NDUFS6: variants seen among roughly 807,000 people sequenced by gnomAD.
The protein encoded by NDUFS6 is NADH:ubiquinone oxidoreductase subunit S6, also known as NADH dehydrogenase [ubiquinone] iron-sulfur protein 6, mitochondrial.
Under a neutral mutation model 13.2 loss-of-function variants are expected in NDUFS6, and 14 were observed. The observed-to-expected ratio is 1.06, with a 90% CI of 0.70 to 1.66. The LOEUF (loss-of-function observed/expected upper bound fraction) is 1.66, where lower values mean the gene tolerates loss of function less well. NDUFS6 is among the 40% of genes most tolerant of loss of function. NDUFS6 has a pLI of 0.00. For synonymous variants in NDUFS6, 95 were observed against 72.3 expected (o/e 1.31, Z -1.60); for missense variants, 206 against 170.8 (o/e 1.21, Z -1.15).
chr5:1,802,056 G>GGTCAGGATTTGTCTCTCCTCC, intron 1 of NDUFS6: 1 of 488,404 alleles, frequency 2.0e-6, no homozygotes, highest in Non-Finnish European at 3.6e-6. Context: ...GGTTCTCCTC[G>GGTCAGGATTTGTCTCTCCTCC]GTCAGGATTT....
chr5:1,804,539 G>A (rs1734095751), intron 2 of NDUFS6, among the ~76,000 whole-genome samples: 1 of 152,236 alleles, frequency 6.6e-6, no homozygotes, highest in Non-Finnish European at 1.5e-5. Context: ...AGTGTCCAGG[G>A]CACGTCTTGG....
chr5:1,801,524 G>C lies in NDUFS6; in HGVS notation c.107G>C (p.Gly36Ala). ...RCFGVRVSPT[G>A]EKVTHTGQVY... ...TTCGGGGTGCGGGTCTCGCCGACCG[G>C]GGAGAAGGTCACGCACACTGGCCAG... The change falls in exon 1 of 4, where the codon GGG becomes GCG. Residue 36 changes from glycine (G) to alanine (A), a missense_variant. By Grantham distance (60) the Gly-to-Ala change is moderately conservative. Coordinates refer to ENST00000274137, the MANE Select transcript of NDUFS6 (RefSeq NM_004553.6). The C allele has an allele frequency of 6.3e-7, 1 of 1,595,172 alleles. No homozygotes were observed. The highest frequency in any genetic ancestry group is 8.5e-7 in the Non-Finnish European group (1 of 1,177,064).
chr5:1,812,176 G>A (rs1734227580), intron 2 of NDUFS6, among the ~76,000 whole-genome samples: 1 of 152,088 alleles, frequency 6.6e-6, no homozygotes, highest in Admixed American at 6.5e-5. Context: ...TGGAAGGACT[G>A]GAGAGTGTGC....
intron 2 of NDUFS6, among the ~76,000 whole-genome samples, chr5:1,806,020 T>A (rs1734116861): frequency 6.6e-6 from 1 of 152,192 alleles, no homozygotes; most frequent in South Asian, 2.1e-4. Flanking sequence ...CTAGTGTGTG[T>A]TCGCCTTACT....
At chr5:1,801,616 C>A in intron 1 of NDUFS6, 67 bp downstream of exon 1, 1 of 1,516,870 alleles carries the variant, frequency 6.6e-7, no homozygotes, top group Non-Finnish European at 8.8e-7. Flanking sequence ...TGGCAGTGGG[C>A]TCGCCGGGCA....
At chr5:1,811,732 CAA>C in intron 2 of NDUFS6, among the ~76,000 whole-genome samples, 1 of 152,312 alleles carries the variant, frequency 6.6e-6, no homozygotes, top group African/African-American at 2.4e-5. Context: ...AGTTGGATCT[CAA>C]GACTTGATCA....
At position 1,814,949 on chromosome 5, in the gene NDUFS6, C is replaced by G. The variant is rs530641191; in HGVS notation, c.309+488C>G. Among the ~76,000 whole-genome samples, 1 of 152,168 alleles carries G rather than the reference C, an allele frequency of 6.6e-6. No individual in the cohort carries two copies. Among genetic ancestry groups the G allele is most frequent in the Non-Finnish European group, 1.5e-5 (1 of 68,044 alleles). ...CCCTCTGTGGGAGACTCCTCATCCC[C>G]TCTTCTTATAAGGGCACCAGGCAGA... On this transcript the variant is annotated intron_variant, in intron 3 of 3. Coordinates refer to ENST00000274137, the MANE Select transcript of NDUFS6 (RefSeq NM_004553.6). The surrounding 1 kb of genome is among the most constrained non-coding windows in gnomAD (Gnocchi z 4.9).
chr5:1,808,942 T>C (rs1734169164), intron 2 of NDUFS6, among the ~76,000 whole-genome samples: 1 of 152,248 alleles, frequency 6.6e-6, no homozygotes, highest in Non-Finnish European at 1.5e-5. Context: ...TAAATGTCCA[T>C]GAATGGGGTC....
Position 1,806,111 on chromosome 5 carries a change from C to T in NDUFS6, c.186+3737C>T, listed in dbSNP as rs537447636. Among the ~76,000 whole-genome samples the T allele has an allele frequency of 7.2e-4, 110 of 152,362 alleles. 1 individual carries two copies. In the South Asian group the frequency reaches 0.022, roughly 31 times the overall value. On this transcript the variant is annotated intron_variant, in intron 2 of 3. Transcript: ENST00000274137. ...AAATACTGAAGTTAAACGTTAGTGT[C>T]TATACACAAGGTCTTTACTTTTAGT...
At chr5:1,804,049 C>T (rs923682222) in intron 2 of NDUFS6, among the ~76,000 whole-genome samples, 14 of 152,110 alleles carry the variant, frequency 9.2e-5, no homozygotes, top group Admixed American at 2.0e-4. Context: ...TGGCAGTGAC[C>T]GTGGTGACGG....
intron 2 of NDUFS6, among the ~76,000 whole-genome samples, chr5:1,812,997 A>G (rs532732733): frequency 6.6e-6 from 1 of 152,268 alleles, no homozygotes; most frequent in African/African-American, 2.4e-5. Context: ...GGTGGCAGTG[A>G]GCCAAAATCG....
intron 2 of NDUFS6, among the ~76,000 whole-genome samples, chr5:1,802,949 C>G (rs1579937972): frequency 6.6e-6 from 1 of 151,876 alleles, no homozygotes; most frequent in East Asian, 1.9e-4. Context: ...TTCTCTATCA[C>G]TCATGTCAAT....
chr5:1,801,471 G>T lies in NDUFS6; in HGVS notation c.54G>T (p.Ala18=). Reference sequence around the variant, plus strand: ...TGCTGAACCGGTGTGGCGAGGCGGCGCGGAGCCTGCCCCTGGGCGCCAGGT... The same window carrying T: ...TGCTGAACCGGTGTGGCGAGGCGGCTCGGAGCCTGCCCCTGGGCGCCAGGT... The part of the protein sequence containing the change: ...CRLLNRCGEA[A]RSLPLGARCF... The change falls in exon 1 of 4, where the codon GCG becomes GCT. Residue 18 remains alanine, a synonymous_variant. Transcript: ENST00000274137. The T allele has an allele frequency of 1.2e-6, 2 of 1,603,538 alleles. No individual in the cohort carries two copies. The highest frequency in any genetic ancestry group is 1.7e-6 in the Non-Finnish European group (2 of 1,178,588).
chr5:1,812,914 G>T (rs555527980), intron 2 of NDUFS6, among the ~76,000 whole-genome samples: 1 of 152,128 alleles, frequency 6.6e-6, no homozygotes, highest in Non-Finnish European at 1.5e-5. Context: ...TTAGTCGGAC[G>T]TGGTGGCGGG....
rs376509886 is a variant in NDUFS6 at position 1,801,442 on chromosome 5, C to G, written c.25C>G (p.Arg9Gly). The change falls in exon 1 of 4, where the codon CGG becomes GGG. Residue 9 changes from arginine to glycine, a missense_variant. By Grantham distance (125) the Arg-to-Gly change is moderately radical. Transcript: ENST00000274137. MAAAMTFC[R>G]LLNRCGEAAR... Reference sequence around the variant, plus strand: ...AATGGCGGCGGCGATGACCTTCTGCCGGCTGCTGAACCGGTGTGGCGAGGC... The same window carrying G: ...AATGGCGGCGGCGATGACCTTCTGCGGGCTGCTGAACCGGTGTGGCGAGGC... The G allele has an allele frequency of 3.1e-6, 5 of 1,605,048 alleles. No homozygotes were observed. The highest frequency in any genetic ancestry group is 1.3e-5 in the African/African-American group (1 of 74,850).
In NDUFS6 at chr5:1,812,567, C is replaced by A. The variant is rs972234866; in HGVS notation, c.187-1772C>A. On this transcript the variant is annotated intron_variant, in intron 2 of 3. Coordinates refer to ENST00000274137, the MANE Select transcript of NDUFS6 (RefSeq NM_004553.6). ...ACAACCTTAGTTGCCTTAAAAACTT[C>A]CCTGACTTGTGCCACAGTAGAGTGT... Among the ~76,000 whole-genome samples, 2 of 117,222 alleles carry A rather than the reference C, an allele frequency of 1.7e-5. 1 individual carries two copies. The highest frequency in any genetic ancestry group is 5.6e-5 in the African/African-American group (2 of 35,448). The allele number at this position is 117,222 out of a possible 152,430, so 76.9% of individuals were successfully genotyped here.
intron 2 of NDUFS6, among the ~76,000 whole-genome samples, chr5:1,811,701 G>C (rs1438839153): frequency 6.6e-6 from 1 of 152,178 alleles, no homozygotes; most frequent in African/African-American, 2.4e-5. Context: ...CATGTCTCTT[G>C]TCTCTGCATG....
intron 1 of NDUFS6, 119 bp downstream of exon 1, chr5:1,801,668 A>T (rs950037140): frequency 6.3e-6 from 9 of 1,428,588 alleles, no homozygotes; most frequent in Non-Finnish European, 8.4e-6. Context: ...GGTCGTGGTA[A>T]GGTTGTGCTG....
chr5:1,803,257 C>T (rs998857579), intron 2 of NDUFS6, among the ~76,000 whole-genome samples: 18 of 152,186 alleles, frequency 1.2e-4, no homozygotes, highest in Non-Finnish European at 2.1e-4. Flanking sequence ...TTCACATTCT[C>T]AAAATTCAGC....
Sources: gnomAD v4.1 joint callset for allele counts (sites outside exome capture counted in the v4.1 genomes callset) on GRCh38, gnomAD v4.1.1 for gene constraint, Gnocchi (gnomAD v3.1) non-coding constraint, MANE v1.5 for transcripts, NCBI Gene and HGNC (gene_info 2026-07-23, HGNC 2026-07-21) for gene names.